Variants in SERPINB7 observed in about 807,000 individuals in gnomAD.
SERPINB7 encodes serpin family B member 7, also known as serpin B7.
SERPINB7 carries 31 observed loss-of-function variants against 37.4 expected under a neutral mutation model. That is an observed-to-expected ratio of 0.83 (90% CI 0.62 to 1.12). SERPINB7 has a LOEUF of 1.12. Among genes scored for constraint, SERPINB7 ranks in the 50% most tolerant of loss-of-function variants. The pLI is 0.00. For missense variants in SERPINB7, 521 were observed against 455.3 expected (o/e 1.14, Z -1.31); for synonymous variants, 163 against 166.1 (o/e 0.98, Z 0.14).
At chr18:63,792,330 T>G in intron 2 of SERPINB7, 63 bp from the exon 3 acceptor site, 1 of 1,188,788 alleles carries the variant, frequency 8.4e-7, no homozygotes, top group Non-Finnish European at 1.2e-6. Flanking sequence ...TTTTAAAACC[T>G]CTTGCAAACT....
intron 1 of SERPINB7, among the ~76,000 whole-genome samples, chr18:63,761,343 T>C (rs1212470648): frequency 3.3e-5 from 5 of 152,222 alleles, no homozygotes; most frequent in Admixed American, 3.3e-4. Context: ...TGTGCCACCA[T>C]TGTATCTAGG....
intron 1 of SERPINB7, among the ~76,000 whole-genome samples, chr18:63,763,770 A>G (rs1022373716): frequency 6.6e-6 from 1 of 152,198 alleles, no homozygotes; most frequent in African/African-American, 2.4e-5. Flanking sequence ...CCATTGGGTA[A>G]ATAATATTGT....
At chr18:63,790,625 G>C (rs1399572422) in intron 2 of SERPINB7, among the ~76,000 whole-genome samples, 6 of 152,106 alleles carry the variant, frequency 3.9e-5, no homozygotes, top group Non-Finnish European at 8.8e-5. Flanking sequence ...TCGAATATTA[G>C]AGATAGTACA....
intron 1 of SERPINB7, among the ~76,000 whole-genome samples, chr18:63,761,789 G>A (rs190544320): frequency 4.8e-4 from 73 of 152,266 alleles, no homozygotes; most frequent in African/African-American, 1.6e-3. Flanking sequence ...CTCCTGCCAT[G>A]ATTATGAGGC....
upstream of SERPINB7, among the ~76,000 whole-genome samples, chr18:63,771,960 C>CT (rs796790849): frequency 0.014 from 2,009 of 145,228 alleles, 50 homozygotes; most frequent in African/African-American, 0.046. Flanking sequence ...TCAGCTGCTT[C>CT]TTTTTTTTTT....
intron 1 of SERPINB7, among the ~76,000 whole-genome samples, chr18:63,781,075 C>T (rs1211244146): frequency 1.3e-5 from 2 of 152,008 alleles, no homozygotes; most frequent in African/African-American, 4.8e-5. Flanking sequence ...ATTTCATTTA[C>T]AATTTTAAAA....
At chr18:63,761,575 C>T (rs1351064630) in intron 1 of SERPINB7, among the ~76,000 whole-genome samples, 2 of 152,152 alleles carry the variant, frequency 1.3e-5, no homozygotes, top group East Asian at 3.9e-4. Flanking sequence ...ATCCAAATCT[C>T]AACTCAAATT....
intron 5 of SERPINB7, 98 bp from the exon 6 acceptor site, chr18:63,798,506 T>G (rs1043071674): frequency 1.2e-6 from 1 of 856,264 alleles, no homozygotes; most frequent in African/African-American, 1.7e-5. Context: ...TGTTATTATG[T>G]GTTAAGAAAA....
chr18:63,770,873 GCA>G (rs10634962), upstream of SERPINB7, among the ~76,000 whole-genome samples: 5,851 of 148,880 alleles, frequency 0.039, 381 homozygotes, highest in African/African-American at 0.13. Flanking sequence ...GTCTGCACAT[GCA>G]CACACACACA....
intron 2 of SERPINB7, among the ~76,000 whole-genome samples, chr18:63,790,773 G>A (rs535018951): frequency 4.1e-4 from 63 of 152,236 alleles, no homozygotes; most frequent in African/African-American, 1.5e-3. Flanking sequence ...ATTTGACCCA[G>A]CCATCCCATT....
intron 7 of SERPINB7, 120 bp from the exon 8 acceptor site, chr18:63,804,117 T>C (rs1391016881): frequency 7.1e-6 from 5 of 704,880 alleles, no homozygotes; most frequent in East Asian, 2.7e-5. Flanking sequence ...GACACATTCA[T>C]GTACTTGAAC....
At chr18:63,774,697 G>T (rs951317574), upstream of SERPINB7, among the ~76,000 whole-genome samples, 19 of 152,058 alleles carry the variant, frequency 1.2e-4, no homozygotes, top group Admixed American at 3.3e-4. Flanking sequence ...CAGATCAGAA[G>T]GGTGGAGGAG....
At chr18:63,776,029 C>CTGAT (rs2049244097) in intron 1 of SERPINB7, among the ~76,000 whole-genome samples, 1 of 152,082 alleles carries the variant, frequency 6.6e-6, no homozygotes, top group Non-Finnish European at 1.5e-5. Flanking sequence ...CTTTACCTCA[C>CTGAT]TGATGCCTGT....
At chr18:63,763,619 T>C (rs1598990146) in intron 1 of SERPINB7, among the ~76,000 whole-genome samples, 1 of 152,188 alleles carries the variant, frequency 6.6e-6, no homozygotes, top group East Asian at 1.9e-4. Flanking sequence ...TATCTGATGT[T>C]AAACTGTTAT....
At chr18:63,803,036 G>T (rs568909966) in intron 7 of SERPINB7, among the ~76,000 whole-genome samples, 1 of 152,196 alleles carries the variant, frequency 6.6e-6, no homozygotes, top group Non-Finnish European at 1.5e-5. Flanking sequence ...GAAATAATCT[G>T]CAACAGAAAA....
At chr18:63,788,097 A>C (rs1250135812) in intron 2 of SERPINB7, among the ~76,000 whole-genome samples, 1 of 152,236 alleles carries the variant, frequency 6.6e-6, no homozygotes, top group Non-Finnish European at 1.5e-5. Flanking sequence ...GTATACTTTT[A>C]GTAGTTATTT....
chr18:63,772,809 G>T (rs1213340619), upstream of SERPINB7, among the ~76,000 whole-genome samples: 1 of 152,120 alleles, frequency 6.6e-6, no homozygotes, highest in Non-Finnish European at 1.5e-5. Flanking sequence ...GTGATGAAAT[G>T]ATGTAGCACA....
Position 63,754,880 on chromosome 18 carries a change from C to CTTTT in SERPINB7, c.-19+1787_-19+1790dup, listed in dbSNP as rs71162676. On this transcript the variant is annotated intron_variant, in intron 1 of 7. Transcript: ENST00000336429. ...TGCCCAGCATTGTTTAAACTGAGGTCTTTTTTTTTTTTTTTTTTTTTTTTT... is the reference window on the plus strand; with the variant it reads ...TGCCCAGCATTGTTTAAACTGAGGTCTTTTTTTTTTTTTTTTTTTTTTTTTTTTT... Among the ~76,000 whole-genome samples the CTTTT allele has an allele frequency of 7.3e-3, 423 of 57,996 alleles. 80 individuals carry two copies. The highest frequency in any genetic ancestry group is 8.9e-3 in the Non-Finnish European group (300 of 33,814). The allele number at this position is 57,996 out of a possible 152,430, so 38.0% of individuals were successfully genotyped here.
At position 63,766,828 on chromosome 18, in the gene SERPINB7, A is replaced by G. The variant is rs569009537; in HGVS notation, c.-19+13708A>G. 9.8e-5 allele frequency among the ~76,000 whole-genome samples: 15 copies of G among 152,298 alleles called. No homozygotes were observed. In the South Asian group the frequency reaches 1.4e-3, roughly 15 times the overall value. On this transcript the variant is annotated intron_variant, in intron 1 of 7. Coordinates refer to the SERPINB7 transcript ENST00000336429. ...TAAAGGCTGCTCAAACCATTATCAA[A>G]ACAACTTTCAATTCCCTCTAGTCAT... is the stretch of plus-strand genomic sequence containing the variant.
Sources: gnomAD v4.1 joint callset for allele counts (sites outside exome capture counted in the v4.1 genomes callset) on GRCh38, gnomAD v4.1.1 for gene constraint, MANE v1.5 for transcripts, NCBI Gene and HGNC (gene_info 2026-07-23, HGNC 2026-07-21) for gene names.